Variants in NWD2 observed in about 807,000 individuals in gnomAD.
NWD2 encodes the protein NACHT and WD repeat domain containing 2.
NWD2 carries 37 observed loss-of-function variants against 132.7 expected under a neutral mutation model. The ratio of observed to expected loss-of-function variants is 0.28; its 90% CI spans 0.21 to 0.37. The LOEUF is 0.37. Ranked by LOEUF, NWD2 falls within the 10% of genes least tolerant of loss-of-function variation. The pLI is 1.00. For missense variants in NWD2, 1,592 were observed against 2,122.4 expected (o/e 0.75, Z 4.91); for synonymous variants, 705 against 803.0 (o/e 0.88, Z 2.06).
At chr4:37,280,989 T>G (rs767058005) in intron 1 of NWD2, among the ~76,000 whole-genome samples, 17,738 of 151,980 alleles carry the variant, frequency 0.12, 1,131 homozygotes, top group Middle Eastern at 0.15. Flanking sequence ...TTGGTGTCCT[T>G]TGTACAGATT....
At chr4:37,274,631 AAG>A (rs1185420763) in intron 1 of NWD2, among the ~76,000 whole-genome samples, 3 of 152,110 alleles carry the variant, frequency 2.0e-5, no homozygotes, top group African/African-American at 7.2e-5. Flanking sequence ...ACAACAAAAA[AAG>A]AGAATTTTAG....
intron 1 of NWD2, among the ~76,000 whole-genome samples, chr4:37,284,732 G>A (rs1018010697): frequency 6.6e-5 from 10 of 152,214 alleles, no homozygotes; most frequent in Non-Finnish European, 1.5e-5. Context: ...AACACAGTGA[G>A]TATCTAGTTC....
chr4:37,265,415 A>G (rs534058976), intron 1 of NWD2, among the ~76,000 whole-genome samples: 21 of 152,236 alleles, frequency 1.4e-4, no homozygotes, highest in African/African-American at 5.1e-4. Flanking sequence ...TGCTTCTATA[A>G]CAAGCTAGCA....
chr4:37,382,299 G>A (rs1348436216), intron 3 of NWD2, among the ~76,000 whole-genome samples: 1 of 152,162 alleles, frequency 6.6e-6, no homozygotes, highest in Non-Finnish European at 1.5e-5. Flanking sequence ...CTGCACACCA[G>A]TGAACCTAGA....
chr4:37,374,529 A>G (rs1450742756), intron 3 of NWD2, among the ~76,000 whole-genome samples: 2 of 152,230 alleles, frequency 1.3e-5, no homozygotes, highest in African/African-American at 4.8e-5. Context: ...GTTTCTTGGT[A>G]TGCAGAAAGA....
At chr4:37,418,981 G>A (rs919524665) in intron 3 of NWD2, among the ~76,000 whole-genome samples, 22 of 151,594 alleles carry the variant, frequency 1.5e-4, no homozygotes, top group Admixed American at 7.9e-4. Flanking sequence ...GAGGCATCAC[G>A]CTACCTGACT....
intron 3 of NWD2, among the ~76,000 whole-genome samples, chr4:37,367,353 A>G (rs1185494388): frequency 1.3e-5 from 2 of 152,166 alleles, no homozygotes; most frequent in Non-Finnish European, 2.9e-5. Flanking sequence ...ATGGATTTCT[A>G]TTTTTTCAAT....
chr4:37,375,025 T>C (rs1007318498), intron 3 of NWD2, among the ~76,000 whole-genome samples: 3 of 152,224 alleles, frequency 2.0e-5, no homozygotes. Flanking sequence ...GCATAACTTC[T>C]GAAAATGAGC....
At position 37,439,312 on chromosome 4, in the gene NWD2, T is replaced by C; in HGVS notation, c.1218T>C (p.Ala406=). 1 of 1,549,710 alleles carries C rather than the reference T, an allele frequency of 6.5e-7. No homozygotes were observed. The highest frequency in any genetic ancestry group is 8.7e-7 in the Non-Finnish European group (1 of 1,146,410). Residue 406 remains alanine (A), a synonymous_variant, in exon 6 of 7, where the codon GCT becomes GCC. Transcript: ENST00000309447. The surrounding 1 kb of genome is among the most constrained non-coding windows in gnomAD (Gnocchi z 4.5). ...IVHNYILPSK[A]GHINPLIIYG... ...ATAACTACATTCTTCCAAGCAAAGCTGGACACATCAACCCTCTTATTATAT... is the reference window on the plus strand; with the variant it reads ...ATAACTACATTCTTCCAAGCAAAGCCGGACACATCAACCCTCTTATTATAT...
chr4:37,351,177 G>A (rs1253865707), intron 2 of NWD2, among the ~76,000 whole-genome samples: 12 of 152,164 alleles, frequency 7.9e-5, no homozygotes, highest in Non-Finnish European at 1.8e-4. Flanking sequence ...TTTGGTATCA[G>A]AATGATGCTG....
chr4:37,265,099 T>A (rs1717721914), intron 1 of NWD2, among the ~76,000 whole-genome samples: 1 of 151,840 alleles, frequency 6.6e-6, no homozygotes, highest in Non-Finnish European at 1.5e-5. Context: ...TGTAAAAAAC[T>A]CCCCAAAAAG....
At chr4:37,360,503 T>A (rs753948275) in intron 3 of NWD2, among the ~76,000 whole-genome samples, 7 of 152,206 alleles carry the variant, frequency 4.6e-5, no homozygotes, top group African/African-American at 1.2e-4. Flanking sequence ...ATGAATTTGC[T>A]GACATTTACT....
intron 3 of NWD2, among the ~76,000 whole-genome samples, chr4:37,386,764 C>CT (rs1560409852): frequency 6.6e-6 from 1 of 151,994 alleles, no homozygotes; most frequent in Admixed American, 6.6e-5. Flanking sequence ...GGGAGGTGTT[C>CT]ATGGGGTGGG....
chr4:37,386,411 A>G (rs1265998708), intron 3 of NWD2, among the ~76,000 whole-genome samples: 1 of 152,102 alleles, frequency 6.6e-6, no homozygotes, highest in Non-Finnish European at 1.5e-5. Flanking sequence ...TTTTCTACCC[A>G]AGCCCTAAAT....
intron 1 of NWD2, among the ~76,000 whole-genome samples, chr4:37,263,989 T>C (rs1333512906): frequency 6.6e-6 from 1 of 152,174 alleles, no homozygotes; most frequent in Non-Finnish European, 1.5e-5. Context: ...AGCACTGGGA[T>C]AGTATGTGAT....
At chr4:37,302,109 C>T (rs1375932282) in intron 1 of NWD2, among the ~76,000 whole-genome samples, 1 of 151,474 alleles carries the variant, frequency 6.6e-6, no homozygotes, top group African/African-American at 2.4e-5. Flanking sequence ...CTCTTTATTC[C>T]CTTACCATCC....
chr4:37,312,577 A>G (rs1346219869), intron 1 of NWD2, among the ~76,000 whole-genome samples: 12 of 150,982 alleles, frequency 7.9e-5, no homozygotes, highest in Admixed American at 7.9e-4. Flanking sequence ...ATCTGCAAAC[A>G]GGGACAATTT....
rs1376250980 is a variant in NWD2, at chr4:37,430,376, T to C, written c.358-196T>C. Among the ~76,000 whole-genome samples, 36 of 152,220 alleles carry C rather than the reference T, an allele frequency of 2.4e-4. 1 individual carries two copies. The highest frequency in any genetic ancestry group is 2.3e-3 in the Admixed American group (35 of 15,276). On this transcript the variant is annotated intron_variant, in intron 3 of 6. Coordinates refer to ENST00000309447, the MANE Select transcript of NWD2 (RefSeq NM_001144990.2). Reference sequence around the variant, plus strand: ...ATATGCAGTCTCATTTCTCAGCCTATGAATAATTTGTTGTAATATAGTTGA... The same window carrying C: ...ATATGCAGTCTCATTTCTCAGCCTACGAATAATTTGTTGTAATATAGTTGA...
At chr4:37,245,636 C>T (rs1273681939) in intron 1 of NWD2, among the ~76,000 whole-genome samples, 1 of 151,738 alleles carries the variant, frequency 6.6e-6, no homozygotes, top group Non-Finnish European at 1.5e-5. Flanking sequence ...TTCCTGAGTG[C>T]GGGGCTACCT....
Sources: gnomAD v4.1 joint callset for allele counts (sites outside exome capture counted in the v4.1 genomes callset) on GRCh38, gnomAD v4.1.1 for gene constraint, Gnocchi (gnomAD v3.1) non-coding constraint, MANE v1.5 for transcripts, NCBI Gene and HGNC (gene_info 2026-07-23, HGNC 2026-07-21) for gene names.